Variants in ABHD12 observed in about 807,000 individuals in gnomAD.
ABHD12 encodes lysophosphatidylserine lipase ABHD12.
Under a neutral mutation model 58.3 loss-of-function variants are expected in ABHD12, and 43 were observed. That is an observed-to-expected ratio of 0.74 (90% CI 0.58 to 0.95). The LOEUF is 0.95. Among genes scored for constraint, ABHD12 ranks in the 40% least tolerant of loss-of-function variants. The pLI is 0.00. For missense variants in ABHD12, 539 were observed against 537.2 expected, an observed-to-expected ratio of 1.00 and a Z score of -0.03; for synonymous variants, 219 against 211.2, an observed-to-expected ratio of 1.04 and a Z score of -0.32.
At chr20:25,296,533 C>A (rs780792104), downstream of ABHD12, 20 of 1,604,810 alleles carry the variant, frequency 1.2e-5, no homozygotes, top group East Asian at 4.5e-4. Context: ...GCACACCCTG[C>A]CTTGGCGGGA....
chr20:25,351,009 A>ACACACACACC (rs1174578415), intron 1 of ABHD12, among the ~76,000 whole-genome samples: 1 of 130,432 alleles, frequency 7.7e-6, no homozygotes, highest in Non-Finnish European at 1.7e-5. Context: ...ACACACACAC[A>ACACACACACC]CCCTTATTAA....
At chr20:25,361,941 C>A (rs1448578221) in intron 1 of ABHD12, among the ~76,000 whole-genome samples, 1 of 151,048 alleles carries the variant, frequency 6.6e-6, no homozygotes, top group East Asian at 2.0e-4. Context: ...GGGGACAGAG[C>A]GACACTCCGT....
chr20:25,354,387 T>C (rs1600843398), intron 1 of ABHD12, among the ~76,000 whole-genome samples: 1 of 151,724 alleles, frequency 6.6e-6, no homozygotes. Flanking sequence ...AGGGAGGGGG[T>C]CACCCCACTG....
intron 1 of ABHD12, among the ~76,000 whole-genome samples, chr20:25,341,882 T>C (rs576594832): frequency 6.6e-6 from 1 of 152,214 alleles, no homozygotes; most frequent in East Asian, 1.9e-4. Flanking sequence ...GCCTGGCGCC[T>C]ATGCTTGGAT....
intron 1 of ABHD12, among the ~76,000 whole-genome samples, chr20:25,383,887 G>A (rs1440228977): frequency 1.3e-5 from 2 of 149,550 alleles, no homozygotes; most frequent in Non-Finnish European, 3.0e-5. Context: ...CCTGGCACAC[G>A]GAGGTTGCAG....
intron 1 of ABHD12, among the ~76,000 whole-genome samples, chr20:25,373,439 T>C (rs2089923021): frequency 6.6e-6 from 1 of 151,742 alleles, no homozygotes; most frequent in Non-Finnish European, 1.5e-5. Context: ...CCTGGCTACT[T>C]GGGGGGCTGA....
rs73345016 is a variant in ABHD12 at position 25,309,360 on chromosome 20, G to A, written c.749+86C>T. 1.2e-3 allele frequency: 1,940 copies of A among 1,594,598 alleles called. 30 individuals carry two copies. In the African/African-American group the frequency reaches 0.023, roughly 19 times the overall value. ...ACTAATGGTGCCACAGGGTTTGCAG[G>A]GATGGTGGACTCTCTAGATCCAGGC... On this transcript the variant is annotated intron_variant, in intron 7 of 12. Coordinates refer to ENST00000339157, the MANE Select transcript of ABHD12 (RefSeq NM_001042472.3).
intron 1 of ABHD12, chr20:25,339,788 A>T: frequency 5.6e-6 from 7 of 1,246,314 alleles, no homozygotes; most frequent in Non-Finnish European, 7.3e-6. Context: ...AGCTCCTGGT[A>T]GGAAGCACGT....
chr20:25,324,725 C>T (rs2089143530), intron 2 of ABHD12, among the ~76,000 whole-genome samples: 1 of 152,246 alleles, frequency 6.6e-6, no homozygotes. Flanking sequence ...CCAGAAACTC[C>T]CTGAGCGTCT....
chr20:25,390,576 G>T lies in ABHD12; in HGVS notation c.128C>A (p.Thr43Lys). The T allele has an allele frequency of 1.4e-6, 2 of 1,476,770 alleles. No individual in the cohort carries two copies. The highest frequency in any genetic ancestry group is 1.8e-6 in the Non-Finnish European group (2 of 1,120,668). The allele number at this position is 1,476,770 out of a possible 1,614,324, so 91.5% of individuals were successfully genotyped here. The change falls in exon 1 of 13, where the codon ACG becomes AAG. Residue 43 changes from threonine (T) to lysine (K), a missense_variant. Thr to Lys is a moderately conservative substitution (Grantham distance 78). Coordinates refer to ENST00000339157, the MANE Select transcript of ABHD12 (RefSeq NM_001042472.3). ...GCGCGGCTCAGCCGCCGCCGGGCCC[G>T]TCAGGCGTAGGTTCTGCTTCAGGCG... Reference protein sequence around the residue: ...DCRLKQNLRLTGPAAAEPRCA... With the variant: ...DCRLKQNLRLKGPAAAEPRCA...
At chr20:25,307,900 T>A (rs890336290) in intron 9 of ABHD12, 66 bp downstream of exon 9, 115 of 756,960 alleles carry the variant, frequency 1.5e-4, no homozygotes, top group Middle Eastern at 3.8e-4. Flanking sequence ...ATGTATCCTG[T>A]AATTAGTTAT....
intron 2 of ABHD12, among the ~76,000 whole-genome samples, chr20:25,338,177 A>G (rs1200222262): frequency 6.6e-6 from 1 of 152,066 alleles, no homozygotes; most frequent in Non-Finnish European, 1.5e-5. Flanking sequence ...GGAGTCCGGC[A>G]CCTCTCAGTA....
chr20:25,312,875 C>T lies in ABHD12; in HGVS notation c.619+2050G>A, dbSNP rs186925342. 7.0e-4 allele frequency among the ~76,000 whole-genome samples: 105 copies of T among 150,794 alleles called. 3 individuals are homozygous for T. In the East Asian group the frequency reaches 0.019, roughly 27 times the overall value. On this transcript the variant is annotated intron_variant, in intron 6 of 12. Coordinates refer to ENST00000339157, the MANE Select transcript of ABHD12 (RefSeq NM_001042472.3). ...GAGCGTCTCCGCCCGGCAGCCGCCC[C>T]GTCTGAGAAGTGCGGAGCCCCTCCG...
chr20:25,338,933 G>C, intron 2 of ABHD12: 10 of 1,212,570 alleles, frequency 8.2e-6, no homozygotes, highest in Non-Finnish European at 1.0e-5. Flanking sequence ...GTAGTCTTCT[G>C]TGGACAGAAA....
At chr20:25,298,880 C>T (rs2088591489), downstream of ABHD12, among the ~76,000 whole-genome samples, 1 of 152,172 alleles carries the variant, frequency 6.6e-6, no homozygotes, top group South Asian at 2.1e-4. Context: ...TGTCCTCATC[C>T]CCACACCCAC....
chr20:25,339,461 T>C (rs1011592515), intron 1 of ABHD12, 110 bp from the exon 2 acceptor site: 7 of 1,528,768 alleles, frequency 4.6e-6, no homozygotes, highest in Admixed American at 3.6e-5. Context: ...TATTTTTTTT[T>C]CCACAAGGAT....
rs1491359839 is a variant in ABHD12 at position 25,322,382 on chromosome 20, T to TATATATATATATATATA, written c.422+942_422+943insTATATATATATATATAT. On this transcript the variant is annotated intron_variant, in intron 3 of 12. Transcript: ENST00000339157. ...GAAAAGATATATATATATATATATATTTTTTTTTTTTTTTGAGACAAGAGT... is the reference window on the plus strand; with the variant it reads ...GAAAAGATATATATATATATATATATATATATATATATATATATTTTTTTTTTTTTTGAGACAAGAGT... Among the ~76,000 whole-genome samples, 10 of 38,254 alleles carry TATATATATATATATATA rather than the reference T, an allele frequency of 2.6e-4. 1 individual carries two copies. Among genetic ancestry groups the TATATATATATATATATA allele is most frequent in the Admixed American group, 6.3e-4 (2 of 3,180 alleles). 25.1% of individuals were successfully genotyped at this position (38,254 alleles called of 152,430 possible).
rs531412882 is a variant in ABHD12, at chr20:25,380,290, T to C, written c.191+10223A>G. Among the ~76,000 whole-genome samples the C allele has an allele frequency of 3.0e-4, 46 of 152,108 alleles. No homozygotes were observed. In the East Asian group the frequency reaches 3.3e-3, roughly 11 times the overall value. On this transcript the variant is annotated intron_variant, in intron 1 of 12. Transcript: ENST00000339157. ...TTTGTTGTTTTTTTGAGATGGAGTT[T>C]CGCTCTTGTTGCCCAGGCTGGAATG...
chr20:25,300,608 C>T lies in ABHD12; in HGVS notation c.*237G>A, dbSNP rs2088617441. ...CCCAACAAGATCTCAGGTTGAGGGGCGGCAAGGAGAGCCACATGCCTGCCA... is the reference window on the plus strand; with the variant it reads ...CCCAACAAGATCTCAGGTTGAGGGGTGGCAAGGAGAGCCACATGCCTGCCA... On this transcript the variant is annotated 3_prime_UTR_variant, in exon 13 of 13. Coordinates refer to ENST00000339157, the MANE Select transcript of ABHD12 (RefSeq NM_001042472.3). The T allele has an allele frequency of 1.2e-5, 17 of 1,441,372 alleles. No homozygotes were observed. In the Middle Eastern group the frequency reaches 7.7e-4, roughly 65 times the overall value. 89.3% of individuals were successfully genotyped at this position (1,441,372 alleles called of 1,614,324 possible). A position where few individuals can be genotyped will look rare whatever the true frequency, so the allele number is the denominator to read the frequency against.
Sources: gnomAD v4.1 joint callset for allele counts (sites outside exome capture counted in the v4.1 genomes callset) on GRCh38, gnomAD v4.1.1 for gene constraint, MANE v1.5 for transcripts, NCBI Gene and HGNC (gene_info 2026-07-23, HGNC 2026-07-21) for gene names.